The following SIPA1L1 variants were observed in gnomAD, a reference collection of about 807,000 sequenced individuals.
SIPA1L1 encodes signal induced proliferation associated 1 like 1.
Under a neutral mutation model 162.7 loss-of-function variants are expected in SIPA1L1, and 26 were observed. The ratio of observed to expected loss-of-function variants is 0.16; its 90% CI spans 0.12 to 0.22. The LOEUF is 0.22. Ranked by LOEUF, SIPA1L1 falls within the 10% of genes least tolerant of loss-of-function variation. The pLI is 1.00. For synonymous variants in SIPA1L1, 829 were observed against 837.4 expected (o/e 0.99, Z 0.17); for missense variants, 1,874 against 2,241.0 (o/e 0.84, Z 3.31).
At chr14:71,604,214 G>C (rs1055785244) in intron 5 of SIPA1L1, among the ~76,000 whole-genome samples, 1 of 151,602 alleles carries the variant, frequency 6.6e-6, no homozygotes, top group Admixed American at 6.6e-5. Flanking sequence ...GCCCTGGCTG[G>C]TCTTGAACTC....
intron 7 of SIPA1L1, among the ~76,000 whole-genome samples, chr14:71,631,852 T>G (rs904645263): frequency 1.3e-4 from 20 of 152,378 alleles, no homozygotes; most frequent in Admixed American, 1.2e-3. Context: ...TCCAGTTTCT[T>G]TGTCATTCTT....
chr14:71,509,775 A>C (rs986822470), intron 2 of SIPA1L1, among the ~76,000 whole-genome samples: 1 of 151,942 alleles, frequency 6.6e-6, no homozygotes, highest in African/African-American at 2.4e-5. Flanking sequence ...AAAAAGAAAG[A>C]AAGCTCAAGC....
intron 2 of SIPA1L1, among the ~76,000 whole-genome samples, chr14:71,488,477 G>A (rs1046533905): frequency 4.6e-5 from 7 of 152,260 alleles, no homozygotes; most frequent in Non-Finnish European, 7.4e-5. Context: ...TTATACCACT[G>A]TTGTAGTACC....
intron 2 of SIPA1L1, among the ~76,000 whole-genome samples, chr14:71,402,910 T>C (rs2041780074): frequency 6.6e-6 from 1 of 152,200 alleles, no homozygotes; most frequent in African/African-American, 2.4e-5. Context: ...TTGTGGTTAT[T>C]GAGGACTGTG....
chr14:71,672,003 CTGG>C (rs2044585509), intron 11 of SIPA1L1, among the ~76,000 whole-genome samples: 1 of 151,556 alleles, frequency 6.6e-6, no homozygotes, highest in Non-Finnish European at 1.5e-5. Context: ...GTCCAGTCAT[CTGG>C]TGGTGGTGTT....
At chr14:71,427,905 T>C (rs1268511001) in intron 2 of SIPA1L1, among the ~76,000 whole-genome samples, 1 of 152,144 alleles carries the variant, frequency 6.6e-6, no homozygotes, top group East Asian at 1.9e-4. Flanking sequence ...GGGTCAGTTT[T>C]TAATTTATTT....
chr14:71,686,007 A>G (rs1566651655), intron 13 of SIPA1L1, among the ~76,000 whole-genome samples: 1 of 152,224 alleles, frequency 6.6e-6, no homozygotes, highest in Admixed American at 6.5e-5. Context: ...AAATGATGAT[A>G]TAAGAGCAAC....
chr14:71,728,349 C>G (rs2084431815), intron 19 of SIPA1L1, among the ~76,000 whole-genome samples: 1 of 152,230 alleles, frequency 6.6e-6, no homozygotes, highest in Non-Finnish European at 1.5e-5. Context: ...CACTTTCATT[C>G]CAAGTTCTCT....
intron 2 of SIPA1L1, among the ~76,000 whole-genome samples, chr14:71,344,809 G>T (rs7147434): frequency 0.16 from 24,844 of 152,108 alleles, 2,642 homozygotes; most frequent in Middle Eastern, 0.34. Context: ...CAAGTGATCC[G>T]CCAGCTTCAG....
chr14:71,525,902 C>T (rs1262543165), intron 3 of SIPA1L1, among the ~76,000 whole-genome samples: 1 of 152,232 alleles, frequency 6.6e-6, no homozygotes, highest in Non-Finnish European at 1.5e-5. Context: ...AGTCTCTTCA[C>T]CCATCTGTTA....
At chr14:71,416,490 A>G (rs1269378931) in intron 2 of SIPA1L1, among the ~76,000 whole-genome samples, 3 of 152,036 alleles carry the variant, frequency 2.0e-5, no homozygotes, top group Non-Finnish European at 2.9e-5. Flanking sequence ...GATATCTGGT[A>G]ATGCTGGTAC....
intron 2 of SIPA1L1, among the ~76,000 whole-genome samples, chr14:71,468,005 GGTGTGT>G (rs56265408): frequency 0.017 from 2,416 of 141,676 alleles, 26 homozygotes; most frequent in Middle Eastern, 0.021. Flanking sequence ...CAGTTAGAGG[GGTGTGT>G]GTGTGTGTGT....
chr14:71,405,768 T>G (rs1471559693), intron 2 of SIPA1L1, among the ~76,000 whole-genome samples: 2 of 152,194 alleles, frequency 1.3e-5, no homozygotes, highest in Non-Finnish European at 2.9e-5. Flanking sequence ...AATGATGTCT[T>G]TTATCTCTGA....
At chr14:71,466,301 G>C (rs1244281879) in intron 2 of SIPA1L1, among the ~76,000 whole-genome samples, 1 of 152,154 alleles carries the variant, frequency 6.6e-6, no homozygotes, top group East Asian at 1.9e-4. Context: ...AGAGGCTGTT[G>C]TTTATTTTTG....
At chr14:71,718,598 T>C (rs1002203366) in intron 17 of SIPA1L1, among the ~76,000 whole-genome samples, 3 of 152,224 alleles carry the variant, frequency 2.0e-5, no homozygotes, top group African/African-American at 7.2e-5. Flanking sequence ...TATAGTGAGC[T>C]ATGATTGCAC....
chr14:71,557,916 A>G (rs1567203524), intron 4 of SIPA1L1, among the ~76,000 whole-genome samples: 1 of 152,204 alleles, frequency 6.6e-6, no homozygotes, highest in Non-Finnish European at 1.5e-5. Context: ...TTGCTGGAAA[A>G]TGAATATTGC....
At chr14:71,348,330 A>G (rs138746719) in intron 2 of SIPA1L1, among the ~76,000 whole-genome samples, 4 of 152,066 alleles carry the variant, frequency 2.6e-5, no homozygotes, top group Non-Finnish European at 5.9e-5. Context: ...TAGTTTTTAT[A>G]TATTTTTTGA....
chr14:71,631,945 T>A (rs1392313402), intron 7 of SIPA1L1, among the ~76,000 whole-genome samples: 5 of 152,232 alleles, frequency 3.3e-5, no homozygotes, highest in Non-Finnish European at 7.3e-5. Flanking sequence ...GCAAATAATG[T>A]GAATTAGAAC....
intron 10 of SIPA1L1, 139 bp downstream of exon 10, chr14:71,661,606 G>A: frequency 1.2e-6 from 1 of 864,674 alleles, no homozygotes; most frequent in Non-Finnish European, 1.7e-6. Flanking sequence ...GCATGCGGAT[G>A]GCTGAATTCA....
Sources: gnomAD v4.1 joint callset for allele counts (sites outside exome capture counted in the v4.1 genomes callset) on GRCh38, gnomAD v4.1.1 for gene constraint, MANE v1.5 for transcripts, NCBI Gene and HGNC (gene_info 2026-07-23, HGNC 2026-07-21) for gene names.